Variants in UBE4B observed in about 807,000 individuals in gnomAD.
The protein encoded by UBE4B is ubiquitination factor E4B.
In UBE4B, 27 loss-of-function variants were observed where a neutral mutation model predicts 148.1. The ratio of observed to expected loss-of-function variants is 0.18; its 90% CI spans 0.13 to 0.25. UBE4B has a LOEUF of 0.25. Among genes scored for constraint, UBE4B ranks in the 10% least tolerant of loss-of-function variants. UBE4B has a pLI of 1.00. For missense variants in UBE4B, 1,170 were observed against 1,662.4 expected, an observed-to-expected ratio of 0.70 and a Z score of 5.15; for synonymous variants, 596 against 619.3, an observed-to-expected ratio of 0.96 and a Z score of 0.56.
intron 25 of UBE4B, among the ~76,000 whole-genome samples, chr1:10,171,846 A>G (rs928198951): frequency 6.6e-6 from 1 of 152,130 alleles, no homozygotes; most frequent in Admixed American, 6.6e-5. Context: ...GTGCCACTGC[A>G]CTCCAGCCTG....
intron 2 of UBE4B, among the ~76,000 whole-genome samples, chr1:10,077,635 GAAGT>G (rs1644606346): frequency 6.6e-6 from 1 of 152,190 alleles, no homozygotes. Flanking sequence ...TGTTAGAAGC[GAAGT>G]AAGATTTGAG....
chr1:10,178,947 C>A, intron 26 of UBE4B, 129 bp downstream of exon 26: 1 of 1,001,748 alleles, frequency 1.0e-6, no homozygotes, highest in Non-Finnish European at 1.4e-6. Flanking sequence ...GACAATCTGT[C>A]TTAAATTACA....
Position 10,072,105 on chromosome 1 carries a change from G to C in UBE4B, c.102G>C (p.Arg34Ser). 2 of 1,613,374 alleles carry C rather than the reference G, an allele frequency of 1.2e-6. No homozygotes were observed. Among genetic ancestry groups the C allele is most frequent in the Non-Finnish European group, 1.7e-6 (2 of 1,179,760 alleles). Residue 34 changes from arginine (R) to serine (S), a missense_variant, in exon 2 of 28, where the codon AGG becomes AGC. Around this residue, in one of 6 missense-constraint regions of UBE4B, gnomAD observed 127 missense variants for 153.2 expected, o/e 0.83. Coordinates refer to ENST00000343090, the MANE Select transcript of UBE4B (RefSeq NM_001105562.3). ...CCACCCCACTCACCTCTCCCCAGAG[G>C]GAGAACCCTCCGGGGCCTCCCATAG... ...QPTTPLTSPQ[R>S]ENPPGPPIAA...
At chr1:10,128,386 A>T (rs1645537071) in intron 11 of UBE4B, 2 of 152,246 alleles carry the variant, frequency 1.3e-5, no homozygotes, top group Admixed American at 1.3e-4. Context: ...AGAGGCAGGA[A>T]GCGGAAGACT....
intron 16 of UBE4B, 49 bp from the exon 17 acceptor site, chr1:10,137,014 CTGAT>C: frequency 6.3e-7 from 1 of 1,584,974 alleles, no homozygotes; most frequent in Middle Eastern, 1.7e-4. Flanking sequence ...AGCTTTTTCT[CTGAT>C]TGAGACATGT....
chr1:10,037,110 C>T lies in UBE4B; in HGVS notation c.24+3416C>T, dbSNP rs185903925. On this transcript the variant is annotated intron_variant, in intron 1 of 27. Coordinates refer to ENST00000343090, the MANE Select transcript of UBE4B (RefSeq NM_001105562.3). ...TGGCGCGATCTTGGCTCATTGCAAC[C>T]TCTGCCTCCCGGGTTCAAGCGATTT... 3.0e-3 allele frequency among the ~76,000 whole-genome samples: 453 copies of T among 152,296 alleles called. 4 individuals are homozygous for T. The highest frequency in any genetic ancestry group is 8.1e-3 in the Admixed American group (124 of 15,286).
rs574670952 is a variant in UBE4B, at chr1:10,114,118, A to C, written c.1197-3341A>C. Among the ~76,000 whole-genome samples the C allele has an allele frequency of 4.7e-4, 72 of 152,148 alleles. 2 individuals carry two copies. Among genetic ancestry groups the C allele is most frequent in the African/African-American group, 1.6e-3 (66 of 41,540 alleles). ...AAGATGCGTTTCTTCCCAGAAATGT[A>C]AAGATGTGAGAAGAATGGGGCTTAT... is the stretch of plus-strand genomic sequence containing the variant. On this transcript the variant is annotated intron_variant, in intron 7 of 27. Transcript: ENST00000343090.
At chr1:10,066,641 C>T (rs563457401) in intron 1 of UBE4B, among the ~76,000 whole-genome samples, 2 of 152,148 alleles carry the variant, frequency 1.3e-5, no homozygotes, top group South Asian at 2.1e-4. Flanking sequence ...GCAGGTGGCT[C>T]ACGCTTGTAA....
intron 14 of UBE4B, among the ~76,000 whole-genome samples, chr1:10,131,817 G>C (rs1645598477): frequency 6.6e-6 from 1 of 152,156 alleles, no homozygotes; most frequent in Non-Finnish European, 1.5e-5. Flanking sequence ...GCTGGGCATG[G>C]TGGCGGGTGC....
chr1:10,058,446 T>C (rs912066004), intron 1 of UBE4B, among the ~76,000 whole-genome samples: 2 of 152,176 alleles, frequency 1.3e-5, no homozygotes, highest in African/African-American at 4.8e-5. Flanking sequence ...CTGGCCTCAC[T>C]GAGCTGTTAG....
chr1:10,059,808 A>AT (rs912413544), intron 1 of UBE4B, among the ~76,000 whole-genome samples: 15 of 151,004 alleles, frequency 9.9e-5, no homozygotes, highest in East Asian at 5.8e-4. Flanking sequence ...AATTTTAGGC[A>AT]TTTTTTTTTC....
At chr1:10,153,055 G>A (rs1247005878) in intron 21 of UBE4B, among the ~76,000 whole-genome samples, 1 of 151,942 alleles carries the variant, frequency 6.6e-6, no homozygotes, top group Non-Finnish European at 1.5e-5. Context: ...GGAACCAACT[G>A]CTACTGCTGA....
rs1321034789 is a variant in UBE4B at position 10,179,477 on chromosome 1, C to G, written c.3762C>G (p.Asp1254Glu). Residue 1254 changes from aspartate (D) to glutamate (E), a missense_variant, in exon 27 of 28, where the codon GAC (aspartate) becomes GAG (glutamate). By Grantham distance (45) the Asp-to-Glu change is conservative. Coordinates refer to ENST00000343090, the MANE Select transcript of UBE4B (RefSeq NM_001105562.3). Reference sequence around the variant, plus strand: ...GGCTGCCCTCTGGCACCATCATGGACCGCTCCATCATCCTGCGGCACCTGC... The same window carrying G: ...GGCTGCCCTCTGGCACCATCATGGAGCGCTCCATCATCCTGCGGCACCTGC... ...PVRLPSGTIM[D>E]RSIILRHLLN... 1 of 1,613,970 alleles carries G rather than the reference C, an allele frequency of 6.2e-7. No homozygotes were observed. The highest frequency in any genetic ancestry group is 8.5e-7 in the Non-Finnish European group (1 of 1,180,042).
chr1:10,159,557 C>T (rs1278445513), intron 22 of UBE4B, among the ~76,000 whole-genome samples: 11 of 152,086 alleles, frequency 7.2e-5, no homozygotes, highest in Non-Finnish European at 1.6e-4. Flanking sequence ...CGGTGGCGGG[C>T]GCCTGTAGTC....
At chr1:10,080,210 A>G (rs1459035135) in intron 2 of UBE4B, among the ~76,000 whole-genome samples, 2 of 152,136 alleles carry the variant, frequency 1.3e-5, no homozygotes, top group Non-Finnish European at 2.9e-5. Context: ...TCATGAGGTC[A>G]GGAGATTGAG....
chr1:10,095,406 A>G (rs1644914747), intron 2 of UBE4B, 55 bp from the exon 3 acceptor site: 3 of 1,602,662 alleles, frequency 1.9e-6, no homozygotes, highest in Admixed American at 3.4e-5. Context: ...GCTATTACAA[A>G]TAACTTGAAC....
intron 8 of UBE4B, among the ~76,000 whole-genome samples, chr1:10,117,891 T>C (rs1208853302): frequency 6.6e-6 from 1 of 152,232 alleles, no homozygotes; most frequent in African/African-American, 2.4e-5. Context: ...GTGACTCATA[T>C]GGCCCTGATA....
intron 19 of UBE4B, among the ~76,000 whole-genome samples, chr1:10,147,915 CGTGGAAAATATTATTTAAAATAT>C (rs1394322015): frequency 2.6e-5 from 4 of 152,140 alleles, no homozygotes; most frequent in Non-Finnish European, 5.9e-5. Context: ...CCCGTGAAGG[CGTGGAAAATATTATTTAAAATAT>C]GTGTGTAGGC....
intron 5 of UBE4B, among the ~76,000 whole-genome samples, chr1:10,105,258 G>A (rs10127541): frequency 0.026 from 3,915 of 152,204 alleles, 162 homozygotes; most frequent in African/African-American, 0.09. Context: ...TTAGTGCAGG[G>A]AGTTCCTATA....
Sources: allele counts gnomAD v4.1 joint callset (sites outside exome capture counted in the v4.1 genomes callset), GRCh38; gene constraint gnomAD v4.1.1; regional missense constraint gnomAD v4.1.1; transcripts MANE v1.5; gene names NCBI Gene and HGNC (gene_info 2026-07-23, HGNC 2026-07-21).